The following FSTL5 variants were observed in gnomAD, a reference collection of about 807,000 sequenced individuals.
The protein encoded by FSTL5 is follistatin like 5.
FSTL5 carries 62 observed loss-of-function variants against 89.1 expected under a neutral mutation model. The ratio of observed to expected loss-of-function variants is 0.70; its 90% CI spans 0.57 to 0.86. FSTL5 has a LOEUF of 0.86. FSTL5 is among the 40% of genes least tolerant of loss of function. FSTL5 has a pLI of 0.00. For missense variants in FSTL5, 1,057 were observed against 1,001.6 expected (o/e 1.06, Z -0.75); for synonymous variants, 383 against 346.2 (o/e 1.11, Z -1.18).
chr4:161,711,325 A>G (rs1012881815), intron 6 of FSTL5, among the ~76,000 whole-genome samples: 2 of 152,076 alleles, frequency 1.3e-5, no homozygotes. Context: ...GAAGGAAGTG[A>G]CACCACTAAC....
intron 7 of FSTL5, among the ~76,000 whole-genome samples, chr4:161,638,144 C>G (rs1735797223): frequency 6.6e-6 from 1 of 150,934 alleles, no homozygotes; most frequent in African/African-American, 2.4e-5. Flanking sequence ...TTTCCTTGAG[C>G]AGTGGTTTGT....
intron 3 of FSTL5, among the ~76,000 whole-genome samples, chr4:161,996,964 T>C (rs1428380347): frequency 6.6e-6 from 1 of 152,240 alleles, no homozygotes; most frequent in Non-Finnish European, 1.5e-5. Context: ...GCAATTATAT[T>C]TGAAGTGTGA....
chr4:161,636,347 G>T (rs531213589), intron 7 of FSTL5, among the ~76,000 whole-genome samples: 1 of 151,080 alleles, frequency 6.6e-6, no homozygotes, highest in East Asian at 2.0e-4. Context: ...AAATATAACT[G>T]TTAAAGTAAT....
chr4:161,551,367 C>A (rs1732206289), intron 8 of FSTL5, among the ~76,000 whole-genome samples: 1 of 150,652 alleles, frequency 6.6e-6, no homozygotes, highest in South Asian at 2.1e-4. Flanking sequence ...TGTTTTTTGG[C>A]TGCATAAATG....
intron 4 of FSTL5, among the ~76,000 whole-genome samples, chr4:161,867,848 A>G (rs1732140715): frequency 6.6e-6 from 1 of 151,888 alleles, no homozygotes; most frequent in African/African-American, 2.4e-5. Flanking sequence ...ATGGTCATCA[A>G]TCATCTATAA....
intron 7 of FSTL5, among the ~76,000 whole-genome samples, chr4:161,623,350 A>G (rs1239436171): frequency 6.6e-6 from 1 of 152,030 alleles, no homozygotes; most frequent in African/African-American, 2.4e-5. Context: ...AGATGTTATC[A>G]CTATTTAAAG....
At chr4:161,927,556 G>A (rs1003750556) in intron 3 of FSTL5, among the ~76,000 whole-genome samples, 11 of 151,292 alleles carry the variant, frequency 7.3e-5, no homozygotes, top group African/African-American at 1.2e-4. Context: ...AAAAATAAAC[G>A]GCTGCTAGAA....
intron 6 of FSTL5, among the ~76,000 whole-genome samples, chr4:161,746,446 T>G (rs547030981): frequency 6.6e-6 from 1 of 152,256 alleles, no homozygotes; most frequent in African/African-American, 2.4e-5. Flanking sequence ...TGGTGAATGT[T>G]TACAAGCCAG....
chr4:161,421,610 G>C (rs1731994410), intron 15 of FSTL5, among the ~76,000 whole-genome samples: 1 of 152,260 alleles, frequency 6.6e-6, no homozygotes, highest in South Asian at 2.1e-4. Flanking sequence ...CCAGATAGCT[G>C]ATTGAATATT....
chr4:161,730,887 CAA>C (rs1169267128), intron 6 of FSTL5, among the ~76,000 whole-genome samples: 1 of 152,098 alleles, frequency 6.6e-6, no homozygotes, highest in Non-Finnish European at 1.5e-5. Context: ...ATTCTTTTAT[CAA>C]AAGAGTGTAA....
intron 11 of FSTL5, among the ~76,000 whole-genome samples, chr4:161,502,726 C>T (rs912708759): frequency 4.0e-5 from 6 of 151,690 alleles, no homozygotes; most frequent in African/African-American, 1.2e-4. Flanking sequence ...AGAATTTTTG[C>T]AGCAGAATTT....
intron 4 of FSTL5, among the ~76,000 whole-genome samples, chr4:161,845,036 G>A (rs1210421256): frequency 2.0e-5 from 3 of 152,062 alleles, no homozygotes; most frequent in East Asian, 1.9e-4. Flanking sequence ...GCTTGATTTG[G>A]TATTAAAAGT....
intron 1 of FSTL5, among the ~76,000 whole-genome samples, chr4:162,138,080 T>C (rs1235467088): frequency 6.6e-6 from 1 of 152,046 alleles, no homozygotes; most frequent in African/African-American, 2.4e-5. Context: ...GCTTAAGTCA[T>C]TGATAGCTGA....
At chr4:162,055,411 G>T (rs149171034) in intron 2 of FSTL5, among the ~76,000 whole-genome samples, 2,837 of 151,424 alleles carry the variant, frequency 0.019, 97 homozygotes, top group African/African-American at 0.065. Flanking sequence ...CAAAGTATCT[G>T]TAATATCTCT....
chr4:161,821,332 A>G (rs79214988), intron 4 of FSTL5, among the ~76,000 whole-genome samples: 5,244 of 152,280 alleles, frequency 0.034, 175 homozygotes, highest in East Asian at 0.15. Context: ...ACCACTGCAC[A>G]TGGCCAGAAA....
intron 2 of FSTL5, among the ~76,000 whole-genome samples, chr4:162,064,750 G>A (rs746441835): frequency 6.6e-6 from 1 of 151,916 alleles, no homozygotes; most frequent in East Asian, 1.9e-4. Flanking sequence ...TGCCATAATA[G>A]AAATCCCAAG....
chr4:162,156,964 T>A (rs1226592040), intron 1 of FSTL5, among the ~76,000 whole-genome samples: 4 of 152,202 alleles, frequency 2.6e-5, no homozygotes, highest in Admixed American at 2.6e-4. Context: ...TATAAACTGT[T>A]ATGCATATAA....
chr4:161,385,541 T>C lies in FSTL5; in HGVS notation c.*206A>G. On this transcript the variant is annotated 3_prime_UTR_variant, in exon 16 of 16. Transcript: ENST00000306100. ...GACTGATGTGATTTCTCATTAAATA[T>C]TGTGCTGAGTATTTCTAATTAACCA... The C allele has an allele frequency of 2.1e-6, 1 of 486,574 alleles. No homozygotes were observed. 30.1% of individuals were successfully genotyped at this position (486,574 alleles called of 1,614,324 possible).
chr4:161,875,157 T>C (rs1321451207), intron 4 of FSTL5, among the ~76,000 whole-genome samples: 7 of 152,188 alleles, frequency 4.6e-5, no homozygotes, highest in African/African-American at 1.4e-4. Context: ...TATTCTTTTA[T>C]TTGGAGGCAG....
Sources: gnomAD v4.1 joint callset for allele counts (sites outside exome capture counted in the v4.1 genomes callset) on GRCh38, gnomAD v4.1.1 for gene constraint, MANE v1.5 for transcripts, NCBI Gene and HGNC (gene_info 2026-07-23, HGNC 2026-07-21) for gene names.